Variants in PARD3 observed in about 807,000 individuals in gnomAD.
PARD3 encodes the protein par-3 family cell polarity regulator, also known as partitioning defective 3 homolog.
A neutral mutation model predicts 155.4 loss-of-function variants in PARD3; 75 were observed. The observed-to-expected ratio is 0.48, with a 90% confidence interval of 0.40 to 0.58. The LOEUF (loss-of-function observed/expected upper bound fraction) is 0.58. Among genes scored for constraint, PARD3 ranks in the 20% least tolerant of loss-of-function variants. The pLI is 0.00. For synonymous variants in PARD3, 576 were observed against 610.5 expected (o/e 0.94, Z 0.83); for missense variants, 1,642 against 1,721.7 (o/e 0.95, Z 0.82).
intron 22 of PARD3, among the ~76,000 whole-genome samples, chr10:34,138,151 G>A (rs1377672578): frequency 6.6e-6 from 1 of 152,200 alleles, no homozygotes; most frequent in Non-Finnish European, 1.5e-5. Flanking sequence ...TTACGAGCGA[G>A]TTTTACCATG....
At chr10:34,393,061 T>C (rs182143060) in intron 7 of PARD3, among the ~76,000 whole-genome samples, 2 of 151,660 alleles carry the variant, frequency 1.3e-5, no homozygotes, top group Admixed American at 1.3e-4. Context: ...CCTAAAATAC[T>C]GATTATCTGA....
At chr10:34,661,013 A>G (rs938863378) in intron 2 of PARD3, among the ~76,000 whole-genome samples, 4 of 152,184 alleles carry the variant, frequency 2.6e-5, no homozygotes, top group Non-Finnish European at 4.4e-5. Context: ...TTTTAAAAAT[A>G]GAATTGACAA....
intron 16 of PARD3, among the ~76,000 whole-genome samples, chr10:34,340,393 C>G (rs142156459): frequency 6.6e-6 from 1 of 152,146 alleles, no homozygotes; most frequent in South Asian, 2.1e-4. Context: ...CAATGTAACA[C>G]CATCTGCAGA....
At position 34,260,355 on chromosome 10, in the gene PARD3, A is replaced by C. The variant is rs548430495; in HGVS notation, c.3419+9302T>G. Among the ~76,000 whole-genome samples the C allele has an allele frequency of 3.9e-5, 6 of 152,314 alleles. No individual in the cohort carries two copies. The South Asian group carries it at 1.2e-3, about 32-fold the overall frequency. On this transcript the variant is annotated intron_variant, in intron 22 of 24. Transcript: ENST00000374788. ...CAGTAGAAAGGCAGAGGCTGAAGAC[A>C]GGGGCTCAGAGGAGACACTGACGGA... is the stretch of plus-strand genomic sequence containing the variant.
At chr10:34,498,146 T>A (rs1453643122) in intron 3 of PARD3, among the ~76,000 whole-genome samples, 5 of 152,100 alleles carry the variant, frequency 3.3e-5, no homozygotes, top group Non-Finnish European at 5.9e-5. Context: ...AAATTTCAAA[T>A]ACGAGTAGCA....
At chr10:34,727,789 A>T (rs557002692) in intron 1 of PARD3, among the ~76,000 whole-genome samples, 1 of 151,294 alleles carries the variant, frequency 6.6e-6, no homozygotes, top group Non-Finnish European at 1.5e-5. Flanking sequence ...CAGGTGAAAC[A>T]CAAGTATGCA....
At chr10:34,572,132 C>A (rs1048436070) in intron 2 of PARD3, among the ~76,000 whole-genome samples, 1 of 151,972 alleles carries the variant, frequency 6.6e-6, no homozygotes, top group Admixed American at 6.6e-5. Flanking sequence ...GAAAATATTA[C>A]TGATGCTATA....
chr10:34,218,752 G>A (rs1165184491), intron 22 of PARD3, among the ~76,000 whole-genome samples: 1 of 151,778 alleles, frequency 6.6e-6, no homozygotes, highest in Non-Finnish European at 1.5e-5. Flanking sequence ...GACAGGAGAT[G>A]AGGAGGGCAT....
At chr10:34,175,224 A>C (rs1304396358) in intron 22 of PARD3, among the ~76,000 whole-genome samples, 1 of 152,220 alleles carries the variant, frequency 6.6e-6, no homozygotes, top group Admixed American at 6.5e-5. Flanking sequence ...AGAGCTAAGC[A>C]TCGAGCAGGG....
chr10:34,345,759 G>T (rs1030675572), intron 15 of PARD3: 122 of 985,140 alleles, frequency 1.2e-4, no homozygotes, highest in Non-Finnish European at 1.5e-4. Flanking sequence ...TGCCTTGTTT[G>T]GGCATTCTCT....
intron 3 of PARD3, among the ~76,000 whole-genome samples, chr10:34,475,697 C>T (rs1196176075): frequency 2.6e-5 from 4 of 152,200 alleles, no homozygotes; most frequent in Admixed American, 6.5e-5. Flanking sequence ...GTTAATATCT[C>T]TGCCAATTTA....
chr10:34,193,312 TC>T (rs1470779528), intron 22 of PARD3, among the ~76,000 whole-genome samples: 1 of 152,218 alleles, frequency 6.6e-6, no homozygotes, highest in African/African-American at 2.4e-5. Flanking sequence ...CATGGATTTT[TC>T]CCTAAATAAA....
At chr10:34,580,428 G>A (rs1422290775) in intron 2 of PARD3, among the ~76,000 whole-genome samples, 6 of 152,050 alleles carry the variant, frequency 3.9e-5, no homozygotes, top group East Asian at 3.9e-4. Context: ...CCAGCTACTC[G>A]GGAGGCTGAG....
intron 1 of PARD3, among the ~76,000 whole-genome samples, chr10:34,798,840 G>A (rs1196943394): frequency 6.6e-6 from 1 of 152,180 alleles, no homozygotes; most frequent in African/African-American, 2.4e-5. Context: ...GAGCAGGGTT[G>A]CAAATCACAT....
intron 7 of PARD3, among the ~76,000 whole-genome samples, chr10:34,384,622 T>C (rs773019729): frequency 5.9e-5 from 9 of 152,198 alleles, no homozygotes; most frequent in Non-Finnish European, 1.3e-4. Context: ...TTTTCTGTTT[T>C]AAGCCAGCTG....
intron 22 of PARD3, among the ~76,000 whole-genome samples, chr10:34,243,825 T>C (rs1953767414): frequency 2.0e-5 from 3 of 152,168 alleles, no homozygotes; most frequent in Admixed American, 2.0e-4. Flanking sequence ...TATATATATA[T>C]GTATATAGTC....
chr10:34,462,700 G>T (rs980186337), intron 4 of PARD3, among the ~76,000 whole-genome samples: 1 of 151,604 alleles, frequency 6.6e-6, no homozygotes, highest in African/African-American at 2.4e-5. Flanking sequence ...ATAGCTGGGT[G>T]GGGTGGCCCA....
At chr10:34,372,623 T>C in intron 11 of PARD3, 87 bp from the exon 12 acceptor site, 1 of 980,206 alleles carries the variant, frequency 1.0e-6, no homozygotes, top group South Asian at 1.4e-5. Flanking sequence ...TTAAAGAAAA[T>C]TTTGTTGATT....
chr10:34,800,625 T>TA (rs2134327503), intron 1 of PARD3, among the ~76,000 whole-genome samples: 1 of 151,716 alleles, frequency 6.6e-6, no homozygotes, highest in African/African-American at 2.4e-5. Flanking sequence ...AAACAAAAAA[T>TA]AAAAAATAAT....
Sources: allele counts gnomAD v4.1 joint callset (sites outside exome capture counted in the v4.1 genomes callset), GRCh38; gene constraint gnomAD v4.1.1; transcripts MANE v1.5; gene names NCBI Gene and HGNC (gene_info 2026-07-23, HGNC 2026-07-21).